PISD: variants seen among roughly 807,000 people sequenced by gnomAD.
PISD encodes phosphatidylserine decarboxylase.
A neutral mutation model predicts 43.5 loss-of-function variants in PISD; 31 were observed. The observed-to-expected ratio is 0.71, with a 90% CI of 0.54 to 0.96. The LOEUF (loss-of-function observed/expected upper bound fraction) is 0.96, where lower values mean the gene tolerates loss of function less well. PISD is among the 40% of genes least tolerant of loss of function. PISD has a pLI of 0.00. For synonymous variants in PISD, 259 were observed against 228.7 expected (o/e 1.13, Z -1.20); for missense variants, 523 against 548.4 (o/e 0.95, Z 0.46).
At chr22:31,635,269 C>A (rs138062139) in intron 3 of PISD, among the ~76,000 whole-genome samples, 34 of 152,310 alleles carry the variant, frequency 2.2e-4, no homozygotes, top group African/African-American at 7.7e-4. Flanking sequence ...TCCCTCGATT[C>A]CTTCCAGCCC....
chr22:31,646,774 C>G (rs546381522), intron 3 of PISD, among the ~76,000 whole-genome samples: 1 of 152,142 alleles, frequency 6.6e-6, no homozygotes, highest in Non-Finnish European at 1.5e-5. Context: ...AAACCAGCAA[C>G]GCCACAGGGA....
rs1260490904 is a variant in PISD at position 31,662,129 on chromosome 22, T to A, written c.65+15A>T. The A allele has an allele frequency of 4.4e-6, 7 of 1,606,590 alleles. No homozygotes were observed. Among genetic ancestry groups the A allele is most frequent in the Middle Eastern group, 3.3e-4 (2 of 6,076 alleles). On this transcript the variant is annotated intron_variant, in intron 1 of 7. Coordinates refer to ENST00000439502, the MANE Select transcript of PISD (RefSeq NM_001326411.2). ...TTGCCCCACGCCCCAAGGTAGTCTC[T>A]CCGCGCTGCTATACCTGCTCCGCCA... is the stretch of plus-strand genomic sequence containing the variant.
rs1422002471 is a variant in PISD at position 31,638,438 on chromosome 22, G to GC, written c.321+9662_321+9663insG. ...GTCTGTGGAGGGGCGAGGAAGGGGG[G>GC]ATGAAGGGGGATGAAGTGGGGAAGT... is the stretch of plus-strand genomic sequence containing the variant. On this transcript the variant is annotated intron_variant, in intron 3 of 7. Coordinates refer to ENST00000439502, the MANE Select transcript of PISD (RefSeq NM_001326411.2). 4.1e-6 allele frequency: 4 copies of GC among 983,760 alleles called. No individual in the cohort carries two copies. The African/African-American group carries it at 7.0e-5, about 17-fold the overall frequency. 60.9% of individuals were successfully genotyped at this position (983,760 alleles called of 1,614,324 possible). A position where few individuals can be genotyped will look rare whatever the true frequency, so the allele number is the denominator to read the frequency against.
chr22:31,630,642 C>T lies in PISD; in HGVS notation c.322-8757G>A. ...ACCTTGTCCGCGGGGCTCCTCAGGC[C>T]GGGGCCGCGTCGTCACAGCTGGGAG... On this transcript the variant is annotated intron_variant, in intron 3 of 7. Coordinates refer to ENST00000439502, the MANE Select transcript of PISD (RefSeq NM_001326411.2). The surrounding 1 kb of genome is among the most constrained non-coding windows in gnomAD (Gnocchi z 4.4). The T allele has an allele frequency of 1.2e-6, 1 of 834,618 alleles. No homozygotes were observed. 51.7% of individuals were successfully genotyped at this position (834,618 alleles called of 1,614,324 possible).
intron 1 of PISD, among the ~76,000 whole-genome samples, chr22:31,658,116 G>A (rs889695181): frequency 2.0e-5 from 3 of 152,150 alleles, no homozygotes; most frequent in African/African-American, 7.2e-5. Context: ...GGGTTTATCT[G>A]TGTTCTCACT....
intron 3 of PISD, chr22:31,632,174 C>T (rs1418886076): frequency 1.9e-5 from 18 of 948,200 alleles, no homozygotes; most frequent in Non-Finnish European, 2.1e-5. Context: ...ATACACCTGT[C>T]GTCCTTACCT....
intron 3 of PISD, among the ~76,000 whole-genome samples, chr22:31,624,394 T>C (rs2072760324): frequency 6.6e-6 from 1 of 152,182 alleles, no homozygotes; most frequent in East Asian, 1.9e-4. Context: ...TACCATCCTT[T>C]GCAGGATCTG....
At chr22:31,637,158 AAAAAAAATATATATATATATATAT>A (rs1458239329) in intron 3 of PISD, among the ~76,000 whole-genome samples, 360 of 34,072 alleles carry the variant, frequency 0.011, 25 homozygotes, top group Middle Eastern at 0.057. Context: ...AAAAAAAAAA[AAAAAAAATATATATATATATATAT>A]ATATATATAT....
chr22:31,631,643 C>G (rs2073210141), intron 3 of PISD, among the ~76,000 whole-genome samples: 1 of 152,212 alleles, frequency 6.6e-6, no homozygotes, highest in South Asian at 2.1e-4. Context: ...ACCCCGTACC[C>G]ACATGGTGCC....
chr22:31,643,798 C>T (rs914085889), intron 3 of PISD, among the ~76,000 whole-genome samples: 2 of 152,140 alleles, frequency 1.3e-5, no homozygotes, highest in Non-Finnish European at 2.9e-5. Context: ...CCTGTAATCC[C>T]AGCACTTTGG....
chr22:31,625,302 A>G (rs765730162), intron 3 of PISD, among the ~76,000 whole-genome samples: 10 of 152,216 alleles, frequency 6.6e-5, no homozygotes, highest in Non-Finnish European at 1.5e-4. Flanking sequence ...GGAAGGTGGC[A>G]GGGGCCAAGC....
chr22:31,620,812 T>C, intron 6 of PISD, 99 bp from the exon 7 acceptor site: 5 of 1,492,020 alleles, frequency 3.4e-6, no homozygotes, highest in South Asian at 1.2e-5. Flanking sequence ...GTTGCCCCGA[T>C]GTCACTCCAA....
chr22:31,635,806 G>A (rs1416487280), intron 3 of PISD, among the ~76,000 whole-genome samples: 1 of 152,196 alleles, frequency 6.6e-6, no homozygotes, highest in Admixed American at 6.5e-5. Context: ...AGTTCCAGTG[G>A]CATAAGAACA....
intron 2 of PISD, among the ~76,000 whole-genome samples, chr22:31,648,622 G>T (rs918701013): frequency 2.0e-5 from 3 of 149,784 alleles, no homozygotes; most frequent in African/African-American, 7.4e-5. Context: ...AGCCGAGACT[G>T]CACCACTGCA....
chr22:31,625,886 C>T, intron 3 of PISD: 2 of 1,548,382 alleles, frequency 1.3e-6, no homozygotes, highest in East Asian at 2.4e-5. Flanking sequence ...CCTCCCCTTC[C>T]CCCGAGCCAG....
intron 2 of PISD, among the ~76,000 whole-genome samples, chr22:31,650,180 C>A (rs1379862383): frequency 6.6e-6 from 1 of 151,960 alleles, no homozygotes; most frequent in Admixed American, 6.6e-5. Context: ...TGGCTATAAT[C>A]AAAAAGACAT....
chr22:31,625,713 A>T (rs748097491), intron 3 of PISD: 4 of 1,562,616 alleles, frequency 2.6e-6, no homozygotes, highest in Non-Finnish European at 2.6e-6. Context: ...GACCTTCCGG[A>T]GGTCGTGGCG....
At chr22:31,653,425 T>A (rs2074085338) in intron 1 of PISD, among the ~76,000 whole-genome samples, 1 of 152,154 alleles carries the variant, frequency 6.6e-6, no homozygotes, top group Non-Finnish European at 1.5e-5. Context: ...GCACAATGAT[T>A]AACAAGGCTT....
chr22:31,648,406 C>T (rs1442077856), intron 2 of PISD, 130 bp from the exon 3 acceptor site: 2 of 710,680 alleles, frequency 2.8e-6, no homozygotes, highest in African/African-American at 3.6e-5. Flanking sequence ...GGACCAGGCA[C>T]ATGGCTCACG....
Sources: gnomAD v4.1 joint callset for allele counts (sites outside exome capture counted in the v4.1 genomes callset) on GRCh38, gnomAD v4.1.1 for gene constraint, Gnocchi (gnomAD v3.1) non-coding constraint, MANE v1.5 for transcripts, NCBI Gene and HGNC (gene_info 2026-07-23, HGNC 2026-07-21) for gene names.